VAT1L: variants seen among roughly 807,000 people sequenced by gnomAD.
VAT1L encodes the protein vesicle amine transport 1 like.
Under a neutral mutation model 44.1 loss-of-function variants are expected in VAT1L, and 34 were observed. That is an observed-to-expected ratio of 0.77 (90% CI 0.59 to 1.03). VAT1L has a LOEUF of 1.03. Among genes scored for constraint, VAT1L ranks in the 50% least tolerant of loss-of-function variants. The pLI, the probability that VAT1L is intolerant of heterozygous loss-of-function variation, is 0.00. For synonymous variants in VAT1L, 253 were observed against 202.2 expected (o/e 1.25, Z -2.13); for missense variants, 615 against 538.8 (o/e 1.14, Z -1.40).
At chr16:77,931,167 C>T (rs1171622731) in intron 7 of VAT1L, among the ~76,000 whole-genome samples, 1 of 152,144 alleles carries the variant, frequency 6.6e-6, no homozygotes, top group Non-Finnish European at 1.5e-5. Flanking sequence ...AATTATGACT[C>T]TCAGAAGAAG....
intron 1 of VAT1L, among the ~76,000 whole-genome samples, chr16:77,793,347 C>T (rs1265534974): frequency 3.3e-5 from 5 of 152,088 alleles, no homozygotes; most frequent in Non-Finnish European, 5.9e-5. Context: ...ACAAACTGAA[C>T]CTCTTCTGAA....
At chr16:77,866,370 T>C (rs949282188) in intron 4 of VAT1L, among the ~76,000 whole-genome samples, 14 of 152,138 alleles carry the variant, frequency 9.2e-5, no homozygotes, top group African/African-American at 2.9e-4. Context: ...ATGATAATTA[T>C]GAAGACAGCC....
intron 7 of VAT1L, among the ~76,000 whole-genome samples, chr16:77,963,561 G>A (rs2018187545): frequency 6.6e-6 from 1 of 151,990 alleles, no homozygotes; most frequent in Non-Finnish European, 1.5e-5. Flanking sequence ...ACTGTTGGTG[G>A]TCATCTGTTA....
In VAT1L at chr16:77,884,646, T is replaced by C; in HGVS notation, c.921T>C (p.Tyr307=). The C allele has an allele frequency of 1.2e-6, 2 of 1,613,674 alleles. No homozygotes were observed. The highest frequency in any genetic ancestry group is 1.7e-6 in the Non-Finnish European group (2 of 1,179,876). The part of the protein sequence containing the change: ...QVEKVNPIKL[Y]EENKVIAGFS... The stretch of plus-strand genomic sequence containing the variant: ...AGAAGGTGAACCCCATCAAGCTGTA[T>C]GAGGAGAACAAAGTCATCGCGGGGT... The change falls in exon 7 of 9, where the codon TAT becomes TAC. Residue 307 remains tyrosine (Y), a synonymous_variant. Coordinates refer to ENST00000302536, the MANE Select transcript of VAT1L (RefSeq NM_020927.3). The surrounding 1 kb of genome is among the most constrained non-coding windows in gnomAD (Gnocchi z 4.5).
chr16:77,942,621 C>G (rs2017902487), intron 7 of VAT1L, among the ~76,000 whole-genome samples: 1 of 152,204 alleles, frequency 6.6e-6, no homozygotes, highest in Non-Finnish European at 1.5e-5. Flanking sequence ...TTTTCAATTA[C>G]TGACTCTCCC....
At chr16:77,810,828 G>A (rs1397378584) in intron 1 of VAT1L, among the ~76,000 whole-genome samples, 1 of 152,148 alleles carries the variant, frequency 6.6e-6, no homozygotes, top group African/African-American at 2.4e-5. Context: ...TGAGGAAAAA[G>A]TACTGTCTTC....
intron 7 of VAT1L, among the ~76,000 whole-genome samples, chr16:77,962,323 A>G (rs1275233928): frequency 6.6e-6 from 1 of 152,202 alleles, no homozygotes; most frequent in South Asian, 2.1e-4. Context: ...AACCCAAAGC[A>G]TGGTCTAGAA....
At chr16:77,833,583 T>A (rs549105484) in intron 3 of VAT1L, among the ~76,000 whole-genome samples, 1 of 151,944 alleles carries the variant, frequency 6.6e-6, no homozygotes, top group Non-Finnish European at 1.5e-5. Flanking sequence ...AAACCCAGTC[T>A]CTACTACAAA....
Position 77,909,547 on chromosome 16 carries a change from G to C in VAT1L, c.1077+24745G>C, listed in dbSNP as rs140118089. Among the ~76,000 whole-genome samples, 413 of 147,214 alleles carry C rather than the reference G, an allele frequency of 2.8e-3. 1 individual carries two copies. The highest frequency in any genetic ancestry group is 4.3e-3 in the Non-Finnish European group (292 of 67,490). On this transcript the variant is annotated intron_variant, in intron 7 of 8. Coordinates refer to ENST00000302536, the MANE Select transcript of VAT1L (RefSeq NM_020927.3). Reference sequence around the variant, plus strand: ...AGCTACTTGGGAGGCTGAGGCAGGAGAATCACTTGAATCCAAGAGGCAGAG... The same window carrying C: ...AGCTACTTGGGAGGCTGAGGCAGGACAATCACTTGAATCCAAGAGGCAGAG...
At chr16:77,853,547 G>A (rs2016827319) in intron 3 of VAT1L, among the ~76,000 whole-genome samples, 1 of 152,150 alleles carries the variant, frequency 6.6e-6, no homozygotes, top group African/African-American at 2.4e-5. Flanking sequence ...CACAGGGAAT[G>A]TGCCAGTGAT....
rs58901384 is a variant in VAT1L, at chr16:77,929,298, A to T, written c.1078-42552A>T. Among the ~76,000 whole-genome samples the T allele has an allele frequency of 3.3e-5, 5 of 152,286 alleles. No homozygotes were observed. The East Asian group carries it at 9.7e-4, about 29-fold the overall frequency. On this transcript the variant is annotated intron_variant, in intron 7 of 8. Transcript: ENST00000302536. Reference sequence around the variant, plus strand: ...GCGGGATACTCTCTTCCAGGCAGGGATCATTAGTGAAAGATTGGCAACATT... The same window carrying T: ...GCGGGATACTCTCTTCCAGGCAGGGTTCATTAGTGAAAGATTGGCAACATT...
intron 8 of VAT1L, among the ~76,000 whole-genome samples, chr16:77,973,575 G>T: frequency 6.6e-6 from 1 of 150,750 alleles, no homozygotes. Context: ...GAGCCACCAT[G>T]CCTGGCCCCC....
intron 7 of VAT1L, among the ~76,000 whole-genome samples, chr16:77,930,918 T>C (rs561137303): frequency 6.6e-6 from 1 of 152,302 alleles, no homozygotes; most frequent in South Asian, 2.1e-4. Flanking sequence ...ACATAATTCA[T>C]TGAGTAGCTA....
chr16:77,839,343 G>A (rs2016677462), intron 3 of VAT1L, among the ~76,000 whole-genome samples: 1 of 151,770 alleles, frequency 6.6e-6, no homozygotes, highest in Admixed American at 6.6e-5. Context: ...AGACCATCCT[G>A]GCCAACACGG....
At chr16:77,895,495 G>C (rs546247301) in intron 7 of VAT1L, among the ~76,000 whole-genome samples, 1 of 152,248 alleles carries the variant, frequency 6.6e-6, no homozygotes, top group South Asian at 2.1e-4. Flanking sequence ...CAGGAGGGTT[G>C]GAGTCAGAGG....
chr16:77,960,002 A>G (rs1222972101), intron 7 of VAT1L, among the ~76,000 whole-genome samples: 2 of 151,902 alleles, frequency 1.3e-5, no homozygotes, highest in South Asian at 2.1e-4. Flanking sequence ...TCCTCTTGCC[A>G]TAGCTAAATC....
chr16:77,807,723 C>G (rs550728719), intron 1 of VAT1L, among the ~76,000 whole-genome samples: 1 of 152,074 alleles, frequency 6.6e-6, no homozygotes, highest in Non-Finnish European at 1.5e-5. Flanking sequence ...TTACTGTGTA[C>G]GAGGTACTCT....
intron 1 of VAT1L, among the ~76,000 whole-genome samples, chr16:77,793,817 T>C (rs1189255852): frequency 6.6e-6 from 1 of 152,046 alleles, no homozygotes; most frequent in African/African-American, 2.4e-5. Context: ...ACCAGATTGG[T>C]GGAATTCTAA....
chr16:77,922,952 C>G (rs377223881), intron 7 of VAT1L, among the ~76,000 whole-genome samples: 9 of 152,262 alleles, frequency 5.9e-5, no homozygotes, highest in African/African-American at 1.7e-4. Flanking sequence ...CCTGTTTGTT[C>G]AATCTTCGTT....
Sources: allele counts gnomAD v4.1 joint callset (sites outside exome capture counted in the v4.1 genomes callset), GRCh38; gene constraint gnomAD v4.1.1; non-coding constraint Gnocchi (gnomAD v3.1); transcripts MANE v1.5; gene names NCBI Gene and HGNC (gene_info 2026-07-23, HGNC 2026-07-21).